ISM1: variants seen among roughly 807,000 people sequenced by gnomAD.
The protein encoded by ISM1 is isthmin 1, also known as isthmin-1.
Under a neutral mutation model 46.3 loss-of-function variants are expected in ISM1, and 25 were observed. The ratio of observed to expected loss-of-function variants is 0.54; its 90% CI spans 0.39 to 0.75. ISM1 has a LOEUF of 0.75. Ranked by LOEUF, ISM1 falls within the 30% of genes least tolerant of loss-of-function variation. The probability of loss-of-function intolerance (pLI) is 0.00; values close to 1 mark genes in which losing one functional copy is unlikely to be tolerated. For missense variants in ISM1, 536 were observed against 625.4 expected (o/e 0.86, Z 1.52); for synonymous variants, 255 against 256.7 (o/e 0.99, Z 0.06).
chr20:13,306,138 G>T, the ISM1 span, among the ~76,000 whole-genome samples: 1 of 152,126 alleles, frequency 6.6e-6, no homozygotes, highest in Non-Finnish European at 1.5e-5. Context: ...GTAATTCATG[G>T]ATGATTTTCA....
chr20:13,276,352 T>C (rs566520377), intron 2 of ISM1, among the ~76,000 whole-genome samples: 7 of 152,010 alleles, frequency 4.6e-5, no homozygotes, highest in Middle Eastern at 3.4e-3. Flanking sequence ...GGGAAGTGCA[T>C]TTCCGAGCAA....
At chr20:13,284,352 A>G (rs965667949) in intron 3 of ISM1, among the ~76,000 whole-genome samples, 1 of 152,190 alleles carries the variant, frequency 6.6e-6, no homozygotes, top group African/African-American at 2.4e-5. Context: ...CTCTCAGCCC[A>G]CTGCACTCGG....
At chr20:13,286,837 A>G (rs1361437162) in intron 3 of ISM1, among the ~76,000 whole-genome samples, 2 of 152,208 alleles carry the variant, frequency 1.3e-5, no homozygotes, top group Non-Finnish European at 2.9e-5. Context: ...TGTAATAACA[A>G]TCGCCACGAC....
intron 1 of ISM1, 23 bp downstream of exon 1, chr20:13,221,937 C>A: frequency 7.6e-7 from 1 of 1,315,790 alleles, no homozygotes. Flanking sequence ...CCGGAGAGGG[C>A]CGTGCGCGGC....
chr20:13,298,884 C>T, intron 5 of ISM1, 58 bp from the exon 6 acceptor site: 1 of 1,560,130 alleles, frequency 6.4e-7, no homozygotes, highest in Non-Finnish European at 8.7e-7. Context: ...CTCCTTGAAG[C>T]ACCTCCTGTG....
the ISM1 span, among the ~76,000 whole-genome samples, chr20:13,312,039 CAATT>C: frequency 2.7e-5 from 4 of 150,560 alleles, no homozygotes; most frequent in Admixed American, 6.6e-5. Flanking sequence ...TAAATATAGA[CAATT>C]AATCATTTGT....
chr20:13,312,600 T>C, the ISM1 span, among the ~76,000 whole-genome samples: 1 of 152,166 alleles, frequency 6.6e-6, no homozygotes, highest in Non-Finnish European at 1.5e-5. Context: ...GCCTGCTGAA[T>C]CACACCTTCC....
chr20:13,253,717 CA>C (rs1281240052), intron 1 of ISM1, among the ~76,000 whole-genome samples: 1 of 151,996 alleles, frequency 6.6e-6, no homozygotes, highest in Non-Finnish European at 1.5e-5. Flanking sequence ...CTGGGGCCCC[CA>C]TTTTGAGAAC....
chr20:13,298,993 A>T lies in ISM1; in HGVS notation c.929A>T (p.Lys310Met), dbSNP rs1430943122. Reference sequence around the variant, plus strand: ...AGCTGCAAAAGCGAGTTCTTAAAGAAGTACATGCACAAGGTGATGAATGAC... The same window carrying T: ...AGCTGCAAAAGCGAGTTCTTAAAGATGTACATGCACAAGGTGATGAATGAC... ...WMSCKSEFLK[K>M]YMHKVMNDLP... is the part of the protein sequence containing the mutation. The change falls in exon 6 of 6, where the codon AAG (lysine) becomes ATG (methionine). Residue 310 changes from lysine (K) to methionine (M), a missense_variant. Around this residue, in one of 2 missense-constraint regions of ISM1, gnomAD observed 169 missense variants for 249.3 expected, o/e 0.68. Coordinates refer to ENST00000262487, the MANE Select transcript of ISM1 (RefSeq NM_080826.2). 6.2e-7 allele frequency: 1 copy of T among 1,613,542 alleles called. No individual in the cohort carries two copies. The highest frequency in any genetic ancestry group is 1.3e-5 in the African/African-American group (1 of 74,922).
chr20:13,307,087 T>G, the ISM1 span, among the ~76,000 whole-genome samples: 1 of 152,186 alleles, frequency 6.6e-6, no homozygotes, highest in Non-Finnish European at 1.5e-5. Flanking sequence ...TTGTTCACAC[T>G]ACTCACCAGC....
chr20:13,238,685 G>A lies in ISM1; in HGVS notation c.138+16771G>A, dbSNP rs1452887552. On this transcript the variant is annotated intron_variant, in intron 1 of 5. Transcript: ENST00000262487. ...TAAAATTATTTATAATATACAGGATGTTTTTGGCTTCACATGGAGTCTGAC... is the reference window on the plus strand; with the variant it reads ...TAAAATTATTTATAATATACAGGATATTTTTGGCTTCACATGGAGTCTGAC... 2.0e-5 allele frequency among the ~76,000 whole-genome samples: 3 copies of A among 152,212 alleles called. No homozygotes were observed. In the South Asian group the frequency reaches 6.2e-4, roughly 32 times the overall value.
At chr20:13,223,221 G>A (rs1727808387) in intron 1 of ISM1, among the ~76,000 whole-genome samples, 1 of 150,902 alleles carries the variant, frequency 6.6e-6, no homozygotes, top group African/African-American at 2.4e-5. Context: ...AATGAAATAA[G>A]CATTATTCAT....
intron 1 of ISM1, chr20:13,244,063 G>T (rs1263972460): frequency 1.3e-5 from 2 of 152,190 alleles, no homozygotes; most frequent in African/African-American, 4.8e-5. Flanking sequence ...AGAGAGCCCT[G>T]TTAGCCAGTT....
At chr20:13,321,253 T>TTAAAAAAAAAAAAAAAAA in the ISM1 span, among the ~76,000 whole-genome samples, 1 of 57,522 alleles carries the variant, frequency 1.7e-5, no homozygotes, top group African/African-American at 7.6e-5. Context: ...GTGCCCCACA[T>TTAAAAAAAAAAAAAAAAA]AAAAAAAAAA....
intron 1 of ISM1, among the ~76,000 whole-genome samples, chr20:13,260,655 C>G (rs1423443304): frequency 6.6e-6 from 1 of 150,608 alleles, no homozygotes; most frequent in Non-Finnish European, 1.5e-5. Flanking sequence ...ACAAGTGTCT[C>G]TTTAGGATTC....
At chr20:13,244,084 A>G (rs977243239) in intron 1 of ISM1, 1 of 152,220 alleles carries the variant, frequency 6.6e-6, no homozygotes, top group African/African-American at 2.4e-5. Flanking sequence ...TAGGAAGGTC[A>G]CATTTATAGA....
At chr20:13,227,720 G>A (rs1308471361) in intron 1 of ISM1, among the ~76,000 whole-genome samples, 1 of 151,272 alleles carries the variant, frequency 6.6e-6, no homozygotes, top group East Asian at 1.9e-4. Flanking sequence ...CTGTTAGCCA[G>A]GATGGTCTCG....
At position 13,293,207 on chromosome 20, in the gene ISM1, C is replaced by CAA. The variant is rs397865981; in HGVS notation, c.877+761_877+762dup. 3.6e-3 allele frequency among the ~76,000 whole-genome samples: 315 copies of CAA among 87,358 alleles called. 4 individuals carry two copies. The highest frequency in any genetic ancestry group is 0.017 in the Middle Eastern group (3 of 180). The allele number at this position is 87,358 out of a possible 152,430, so 57.3% of individuals were successfully genotyped here. On this transcript the variant is annotated intron_variant, in intron 5 of 5. Coordinates refer to ENST00000262487, the MANE Select transcript of ISM1 (RefSeq NM_080826.2). ...TGGGTGACAGAGCGAGACTCCGTCT[C>CAA]AAAAAAAAAAAAAAAAAAGAATTCT...
At position 13,225,055 on chromosome 20, in the gene ISM1, G is replaced by C. The variant is rs7363367; in HGVS notation, c.138+3141G>C. ...TTTTTAGTAGAGACGGGGTTTCACCGTGTTAGCCAGGATGGTCTCACTCTC... is the reference window on the plus strand; with the variant it reads ...TTTTTAGTAGAGACGGGGTTTCACCCTGTTAGCCAGGATGGTCTCACTCTC... On this transcript the variant is annotated intron_variant, in intron 1 of 5. Transcript: ENST00000262487. Among the ~76,000 whole-genome samples, 109 of 148,802 alleles carry C rather than the reference G, an allele frequency of 7.3e-4. 1 individual carries two copies. The South Asian group carries it at 9.2e-3, about 13-fold the overall frequency.
Sources: gnomAD v4.1 joint callset for allele counts (sites outside exome capture counted in the v4.1 genomes callset) on GRCh38, gnomAD v4.1.1 for gene constraint, gnomAD v4.1.1 regional missense constraint, MANE v1.5 for transcripts, NCBI Gene and HGNC (gene_info 2026-07-23, HGNC 2026-07-21) for gene names.